The following TTC34 variants were observed in gnomAD, a reference collection of about 807,000 sequenced individuals.
TTC34 encodes tetratricopeptide repeat protein 34.
A neutral mutation model predicts 40.7 loss-of-function variants in TTC34; 44 were observed. The ratio of observed to expected loss-of-function variants is 1.08; its 90% CI spans 0.85 to 1.39. The LOEUF (loss-of-function observed/expected upper bound fraction) is 1.39, where lower values mean the gene tolerates loss of function less well. TTC34 is among the 40% of genes most tolerant of loss of function. The pLI, the probability that TTC34 is intolerant of heterozygous loss-of-function variation, is 0.00. For synonymous variants in TTC34, 422 were observed against 398.6 expected, an observed-to-expected ratio of 1.06 and a Z score of -0.70; for missense variants, 884 against 838.0, an observed-to-expected ratio of 1.05 and a Z score of -0.68.
At chr1:2,751,389 C>T (rs1475481035) in intron 6 of TTC34, among the ~76,000 whole-genome samples, 1,214 of 117,912 alleles carry the variant, frequency 0.01, 1 homozygote, top group Admixed American at 0.017. Flanking sequence ...ATCTGATGGT[C>T]TGGAGCAGCA....
chr1:2,642,632 T>G (rs1638931180), intron 8 of TTC34, among the ~76,000 whole-genome samples: 1 of 152,132 alleles, frequency 6.6e-6, no homozygotes. Flanking sequence ...CCTCCTCCGC[T>G]CAAGAATCTG....
At chr1:2,764,071 C>CATCCGACAGCCTGGAACAGAATT (rs1641716574) in intron 6 of TTC34, among the ~76,000 whole-genome samples, 1 of 134,000 alleles carries the variant, frequency 7.5e-6, no homozygotes, top group African/African-American at 2.8e-5. Context: ...TCCAGGTGAG[C>CATCCGACAGCCTGGAACAGAATT]ATCCGACAGC....
intron 3 of TTC34, among the ~76,000 whole-genome samples, chr1:2,788,699 T>A (rs1557691698): frequency 6.6e-6 from 1 of 152,086 alleles, no homozygotes; most frequent in South Asian, 2.1e-4. Flanking sequence ...AAGTCAAGGA[T>A]CCTACAAGTG....
chr1:2,683,404 A>T (rs1640167659), intron 6 of TTC34, among the ~76,000 whole-genome samples: 1 of 135,412 alleles, frequency 7.4e-6, no homozygotes, highest in Admixed American at 7.5e-5. Flanking sequence ...CCAGGTGAGC[A>T]TCCGATAGCC....
chr1:2,800,627 G>C (rs1015298620), exon 2 of TTC34: 8 of 398,428 alleles, frequency 2.0e-5, no homozygotes, highest in African/African-American at 1.6e-4. Flanking sequence ...GGCTGTCCCC[G>C]CGGCACCAGG....
intron 6 of TTC34, among the ~76,000 whole-genome samples, chr1:2,685,728 C>A (rs61763541): frequency 0.013 from 256 of 20,140 alleles, no homozygotes; most frequent in African/African-American, 0.022. Context: ...CCCCCAGGTG[C>A]GCATCTGATG....
At chr1:2,687,733 G>A (rs1308758893) in intron 6 of TTC34, among the ~76,000 whole-genome samples, 36 of 144,288 alleles carry the variant, frequency 2.5e-4, no homozygotes, top group African/African-American at 8.8e-4. Context: ...ACACCCCCAG[G>A]TGAACATCCG....
chr1:2,698,565 CA>C (rs1640975762), intron 6 of TTC34, among the ~76,000 whole-genome samples: 1 of 109,674 alleles, frequency 9.1e-6, no homozygotes, highest in Non-Finnish European at 2.0e-5. Context: ...GCAGCACCCA[CA>C]CCCCCAGATG....
chr1:2,759,532 T>A (rs1483527494), intron 6 of TTC34, among the ~76,000 whole-genome samples: 15 of 133,986 alleles, frequency 1.1e-4, no homozygotes, highest in East Asian at 6.8e-4. Flanking sequence ...CAGATGAGCA[T>A]CTGACAGCCT....
chr1:2,677,647 ACACCCCCAGGCGAG>A (rs1639958841), intron 6 of TTC34, among the ~76,000 whole-genome samples: 1 of 14,898 alleles, frequency 6.7e-5, no homozygotes, highest in Non-Finnish European at 1.9e-4. Flanking sequence ...AACAGCACAC[ACACCCCCAGGCGAG>A]CATCTGACAG....
chr1:2,683,799 G>A (rs1414840923), intron 6 of TTC34, among the ~76,000 whole-genome samples: 13 of 144,528 alleles, frequency 9.0e-5, no homozygotes, highest in Admixed American at 1.4e-4. Context: ...CACACCCCCA[G>A]TTGAGCATCT....
intron 6 of TTC34, among the ~76,000 whole-genome samples, chr1:2,754,881 C>G (rs1641454628): frequency 1.2e-5 from 1 of 84,646 alleles, no homozygotes; most frequent in Non-Finnish European, 2.1e-5. Flanking sequence ...CTGTGACAGC[C>G]TCGAACAGCA....
chr1:2,750,649 C>A (rs1641287349), intron 6 of TTC34, among the ~76,000 whole-genome samples: 2 of 151,584 alleles, frequency 1.3e-5, no homozygotes, highest in African/African-American at 4.8e-5. Context: ...CCCACACCCC[C>A]AGGTGAGCAT....
chr1:2,751,046 C>G (rs1220993388), intron 6 of TTC34, among the ~76,000 whole-genome samples: 5 of 79,354 alleles, frequency 6.3e-5, no homozygotes, highest in Admixed American at 3.9e-4. Context: ...AGAACCCACA[C>G]CCCCAGGTGA....
rs576652467 is a variant in TTC34 at position 2,683,307 on chromosome 1, A to C, written c.2227-37744T>G. Among the ~76,000 whole-genome samples, 8 of 142,088 alleles carry C rather than the reference A, an allele frequency of 5.6e-5. No individual in the cohort carries two copies. The East Asian group carries it at 1.8e-3, about 31-fold the overall frequency. The allele number at this position is 142,088 out of a possible 152,430, so 93.2% of individuals were successfully genotyped here. On this transcript the variant is annotated intron_variant, in intron 6 of 8. Transcript: ENST00000401095. Reference sequence around the variant, plus strand: ...CATCTGACAGCCTGGAACAGAATCCACACCCCCAGGTGAGCATCTGACAGA... The same window carrying C: ...CATCTGACAGCCTGGAACAGAATCCCCACCCCCAGGTGAGCATCTGACAGA...
At position 2,787,599 on chromosome 1, in the gene TTC34, A is replaced by G. The variant is rs1286164065; in HGVS notation, c.1736T>C (p.Leu579Pro). The G allele has an allele frequency of 6.8e-5, 105 of 1,549,444 alleles. No individual in the cohort carries two copies. The highest frequency in any genetic ancestry group is 7.9e-5 in the Non-Finnish European group (91 of 1,146,306). ...CAGCAGGGCCTTGTGGGTCTCCTCC[A>G]GGCGGCCCAGGCGGTACAGGGCATC... is the stretch of plus-strand genomic sequence containing the variant. The change falls in exon 4 of 9, where the codon CTG (leucine) becomes CCG (proline). Residue 579 changes from leucine to proline, a missense_variant. Physicochemically the swap from Leu to Pro is moderately conservative, Grantham distance 98. Transcript: ENST00000401095.
intron 6 of TTC34, among the ~76,000 whole-genome samples, chr1:2,694,129 G>C (rs1400989513): frequency 2.0e-4 from 23 of 117,948 alleles, no homozygotes; most frequent in African/African-American, 2.8e-4. Flanking sequence ...GCACGTGACA[G>C]CCTGGAACAG....
chr1:2,785,693 G>T (rs1643575908), intron 5 of TTC34, 126 bp downstream of exon 5: 6 of 1,076,848 alleles, frequency 5.6e-6, no homozygotes, highest in African/African-American at 3.3e-5. Flanking sequence ...TCCAACCCGT[G>T]GGTGTTCCTG....
In TTC34 at chr1:2,685,404, G is replaced by C. The variant is rs1294714226; in HGVS notation, c.2227-39841C>G. ...TTCTGGAGCATCACCCACAACCACA[G>C]GTGAGCATCGGAGAGTCTGGAGCAG... On this transcript the variant is annotated intron_variant, in intron 6 of 8. Transcript: ENST00000401095. 9.8e-5 allele frequency among the ~76,000 whole-genome samples: 14 copies of C among 142,264 alleles called. 2 individuals are homozygous for C. The highest frequency in any genetic ancestry group is 3.8e-4 in the African/African-American group (13 of 34,474). The allele number at this position is 142,264 out of a possible 152,430, so 93.3% of individuals were successfully genotyped here.
Sources: allele counts gnomAD v4.1 joint callset (sites outside exome capture counted in the v4.1 genomes callset), GRCh38; gene constraint gnomAD v4.1.1; transcripts MANE v1.5; gene names NCBI Gene and HGNC (gene_info 2026-07-23, HGNC 2026-07-21).